ADGRL2: variants seen among roughly 807,000 people sequenced by gnomAD.
ADGRL2 encodes the protein calcium-independent alpha-latrotoxin receptor 2.
In ADGRL2, 44 loss-of-function variants were observed where a neutral mutation model predicts 157.4. That is an observed-to-expected ratio of 0.28 (90% CI 0.22 to 0.36). The LOEUF is 0.36. Among genes scored for constraint, ADGRL2 ranks in the 10% least tolerant of loss-of-function variants. ADGRL2 has a pLI of 1.00. For missense variants in ADGRL2, 1,510 were observed against 1,768.9 expected (o/e 0.85, Z 2.63); for synonymous variants, 585 against 624.7 (o/e 0.94, Z 0.95).
chr1:81,468,710 G>T (rs1032544725), intron 2 of ADGRL2, among the ~76,000 whole-genome samples: 7 of 152,192 alleles, frequency 4.6e-5, no homozygotes, highest in Non-Finnish European at 1.5e-5. Flanking sequence ...TGCATATCCT[G>T]TGTGTAGCTC....
chr1:81,920,701 C>T (rs959853508), intron 3 of ADGRL2, among the ~76,000 whole-genome samples: 2 of 152,128 alleles, frequency 1.3e-5, no homozygotes, highest in African/African-American at 4.8e-5. Flanking sequence ...CTCCCCAACC[C>T]TGCATCTGTC....
At chr1:81,523,349 C>A (rs1393307969) in intron 2 of ADGRL2, among the ~76,000 whole-genome samples, 3 of 151,922 alleles carry the variant, frequency 2.0e-5, no homozygotes, top group African/African-American at 2.4e-5. Context: ...TAAAAGGGAA[C>A]TAGATCTTCC....
upstream of ADGRL2, among the ~76,000 whole-genome samples, chr1:81,696,691 G>A (rs1305365261): frequency 6.6e-6 from 1 of 152,172 alleles, no homozygotes; most frequent in Non-Finnish European, 1.5e-5. Flanking sequence ...GGCGGAGCTT[G>A]CAGTGAGCCA....
intron 2 of ADGRL2, among the ~76,000 whole-genome samples, chr1:81,790,379 A>G (rs1326337907): frequency 1.3e-5 from 2 of 152,160 alleles, no homozygotes; most frequent in Non-Finnish European, 2.9e-5. Flanking sequence ...TAACACACAC[A>G]CACAAACATT....
At chr1:81,478,086 T>TA (rs539852664) in intron 2 of ADGRL2, among the ~76,000 whole-genome samples, 124 of 151,466 alleles carry the variant, frequency 8.2e-4, no homozygotes, top group African/African-American at 2.7e-3. Flanking sequence ...GTATTGTCTT[T>TA]AAAAAAAAAT....
At chr1:81,475,188 T>G (rs559848586) in intron 2 of ADGRL2, among the ~76,000 whole-genome samples, 49 of 151,620 alleles carry the variant, frequency 3.2e-4, no homozygotes, top group Middle Eastern at 6.8e-3. Flanking sequence ...TAAAGAAAAC[T>G]TGTATCTAAA....
chr1:81,463,751 A>G (rs2077991171), intron 2 of ADGRL2, among the ~76,000 whole-genome samples: 1 of 152,218 alleles, frequency 6.6e-6, no homozygotes, highest in South Asian at 2.1e-4. Flanking sequence ...TTACTTCACA[A>G]GGTCGTGTTC....
intron 2 of ADGRL2, among the ~76,000 whole-genome samples, chr1:81,576,505 A>G (rs1243458347): frequency 6.6e-6 from 1 of 152,154 alleles, no homozygotes; most frequent in East Asian, 1.9e-4. Context: ...GCAATACTCA[A>G]ATCAGAGGCT....
At chr1:81,692,350 G>A (rs994943320) in intron 3 of ADGRL2, among the ~76,000 whole-genome samples, 1 of 152,088 alleles carries the variant, frequency 6.6e-6, no homozygotes, top group African/African-American at 2.4e-5. Flanking sequence ...TGTTTTTAAA[G>A]TGTTTATACC....
intron 3 of ADGRL2, among the ~76,000 whole-genome samples, chr1:81,642,260 A>G (rs985480108): frequency 1.3e-5 from 2 of 150,672 alleles, no homozygotes; most frequent in Non-Finnish European, 3.0e-5. Context: ...AAAAAAAAAA[A>G]AAAAAAAAAA....
At chr1:81,417,084 T>G (rs887305908) in intron 1 of ADGRL2, among the ~76,000 whole-genome samples, 2 of 152,182 alleles carry the variant, frequency 1.3e-5, no homozygotes, top group Non-Finnish European at 2.9e-5. Flanking sequence ...AAAAGCATCT[T>G]CCTTTACTTT....
chr1:81,765,737 A>G (rs186382059), intron 2 of ADGRL2, among the ~76,000 whole-genome samples: 1 of 152,236 alleles, frequency 6.6e-6, no homozygotes, highest in East Asian at 1.9e-4. Flanking sequence ...ACGTCAATGA[A>G]CAACAGTAAA....
chr1:81,872,553 A>C (rs2093726187), intron 2 of ADGRL2, among the ~76,000 whole-genome samples: 1 of 152,132 alleles, frequency 6.6e-6, no homozygotes, highest in South Asian at 2.1e-4. Context: ...TAGACAAATT[A>C]GTCTCTCTGA....
chr1:81,691,196 C>A lies in ADGRL2; in HGVS notation c.-142-70615C>A, dbSNP rs930280533. On this transcript the variant is annotated intron_variant, in intron 3 of 24. Transcript: ENST00000370721. ...ATCATCTGAGACAAATGAGATAAAT[C>A]CTGTTTAAAGGCTTAAAGTGAAAGA... Among the ~76,000 whole-genome samples the A allele has an allele frequency of 2.0e-5, 3 of 152,132 alleles. No individual in the cohort carries two copies. The East Asian group carries it at 5.8e-4, about 29-fold the overall frequency.
intron 11 of ADGRL2, among the ~76,000 whole-genome samples, chr1:81,965,002 T>C (rs1331190893): frequency 2.0e-5 from 3 of 152,162 alleles, no homozygotes; most frequent in Non-Finnish European, 2.9e-5. Flanking sequence ...GTATTGTGAT[T>C]CCCAGCAGAC....
chr1:81,459,437 T>C (rs1277842701), intron 2 of ADGRL2, among the ~76,000 whole-genome samples: 2 of 152,236 alleles, frequency 1.3e-5, no homozygotes, highest in Middle Eastern at 3.2e-3. Flanking sequence ...CCTTCTGTAA[T>C]TGGCTTATTT....
Position 81,966,580 on chromosome 1 carries a change from C to A in ADGRL2, c.2320C>A (p.Pro774Thr). The A allele has an allele frequency of 6.2e-7, 1 of 1,613,964 alleles. No homozygotes were observed. Among genetic ancestry groups the A allele is most frequent in the Non-Finnish European group, 8.5e-7 (1 of 1,179,918 alleles). ...KESSRVYLTD[P>T]VLFTLPHIDP... ...GTCCAGCCGAGTATACCTGACTGATCCTGTGCTTTTTACCCTGCCACACAT... is the reference window on the plus strand; with the variant it reads ...GTCCAGCCGAGTATACCTGACTGATACTGTGCTTTTTACCCTGCCACACAT... The change falls in exon 13 of 24, where the codon CCT becomes ACT. Residue 774 changes from proline to threonine, a missense_variant. Pro to Thr is a conservative substitution (Grantham distance 38, BLOSUM62 -1). Transcript: ENST00000686636.
At chr1:81,624,586 A>G (rs2081870683) in intron 3 of ADGRL2, among the ~76,000 whole-genome samples, 1 of 152,006 alleles carries the variant, frequency 6.6e-6, no homozygotes, top group Non-Finnish European at 1.5e-5. Context: ...ACAGTTATCT[A>G]ATTGCTGACG....
At chr1:81,946,822 G>A (rs1650029809) in intron 6 of ADGRL2, among the ~76,000 whole-genome samples, 1 of 152,096 alleles carries the variant, frequency 6.6e-6, no homozygotes. Flanking sequence ...GCTTTACCAA[G>A]CTACAGAAAC....
Sources: allele counts gnomAD v4.1 joint callset (sites outside exome capture counted in the v4.1 genomes callset), GRCh38; gene constraint gnomAD v4.1.1; transcripts MANE v1.5; gene names NCBI Gene and HGNC (gene_info 2026-07-23, HGNC 2026-07-21).